MTMR7: variants seen among roughly 807,000 people sequenced by gnomAD.
MTMR7 encodes myotubularin related protein 7, also known as phosphatidylinositol-3-phosphate phosphatase MTMR7.
In MTMR7, 76 loss-of-function variants were observed where a neutral mutation model predicts 81.2. The ratio of observed to expected loss-of-function variants is 0.94; its 90% confidence interval spans 0.78 to 1.13. The LOEUF (loss-of-function observed/expected upper bound fraction) is 1.13. Ranked by LOEUF, MTMR7 falls within the 50% of genes most tolerant of loss-of-function variation. The probability of loss-of-function intolerance (pLI) is 0.00; values close to 1 mark genes in which losing one functional copy is unlikely to be tolerated. For synonymous variants in MTMR7, 372 were observed against 289.8 expected (o/e 1.28, Z -2.88); for missense variants, 1,044 against 820.0 (o/e 1.27, Z -3.34).
chr8:17,397,293 G>A (rs1419574389), intron 1 of MTMR7, among the ~76,000 whole-genome samples: 1 of 152,156 alleles, frequency 6.6e-6, no homozygotes, highest in Non-Finnish European at 1.5e-5. Context: ...TCCAGGCCAA[G>A]GCTCTTGACA....
At chr8:17,317,633 C>A (rs1818158130) in intron 7 of MTMR7, among the ~76,000 whole-genome samples, 2 of 152,144 alleles carry the variant, frequency 1.3e-5, no homozygotes, top group African/African-American at 2.4e-5. Flanking sequence ...CTAGGCAGTG[C>A]AGGGGAGGAA....
chr8:17,314,269 AATC>A (rs1423443244), intron 7 of MTMR7, among the ~76,000 whole-genome samples: 1 of 152,134 alleles, frequency 6.6e-6, no homozygotes, highest in African/African-American at 2.4e-5. Flanking sequence ...TCAATCAAGA[AATC>A]ATAGATTTCT....
At chr8:17,317,673 G>A (rs1004639726) in intron 7 of MTMR7, among the ~76,000 whole-genome samples, 5 of 152,162 alleles carry the variant, frequency 3.3e-5, no homozygotes, top group African/African-American at 7.2e-5. Context: ...ACTGCTTCTC[G>A]TGCAAACATT....
chr8:17,298,954 C>G lies in MTMR7; in HGVS notation c.*908G>C, dbSNP rs1816919227. Reference sequence around the variant, plus strand: ...TATTCCCTTCATTAAACAGACATGACAACCCAATTCTCTGGTTCTTGAAAC... The same window carrying G: ...TATTCCCTTCATTAAACAGACATGAGAACCCAATTCTCTGGTTCTTGAAAC... On this transcript the variant is annotated 3_prime_UTR_variant, in exon 14 of 14. Transcript: ENST00000180173. 1 of 152,192 alleles carries G rather than the reference C, an allele frequency of 6.6e-6. No homozygotes were observed. Among genetic ancestry groups the G allele is most frequent in the Admixed American group, 6.5e-5 (1 of 15,272 alleles). 9.4% of individuals were successfully genotyped at this position (152,192 alleles called of 1,614,324 possible). A position where few individuals can be genotyped will look rare whatever the true frequency, so the allele number is the denominator to read the frequency against.
At chr8:17,339,042 T>G (rs923287405) in intron 6 of MTMR7, 1 of 152,178 alleles carries the variant, frequency 6.6e-6, no homozygotes, top group Non-Finnish European at 1.5e-5. Flanking sequence ...TAATACTTGG[T>G]GACATGAAGT....
At chr8:17,307,396 G>C (rs1395741554) in intron 10 of MTMR7, among the ~76,000 whole-genome samples, 1 of 152,190 alleles carries the variant, frequency 6.6e-6, no homozygotes, top group Non-Finnish European at 1.5e-5. Flanking sequence ...ACAGGTGCTG[G>C]AGAGGATGTG....
At chr8:17,300,280 A>G (rs202019101) in intron 13 of MTMR7, 56 bp from the exon 14 acceptor site, 3 of 1,519,840 alleles carry the variant, frequency 2.0e-6, no homozygotes, top group Non-Finnish European at 1.8e-6. Flanking sequence ...ATCTTTTTCT[A>G]TATATGCATG....
chr8:17,401,397 G>A (rs2157640), intron 1 of MTMR7, among the ~76,000 whole-genome samples: 58,779 of 151,740 alleles, frequency 0.39, 13,771 homozygotes, highest in Admixed American at 0.57. Flanking sequence ...AAGCAGTGAG[G>A]TCCAAGAACA....
At chr8:17,382,273 C>G (rs1203763322) in intron 1 of MTMR7, among the ~76,000 whole-genome samples, 1 of 152,162 alleles carries the variant, frequency 6.6e-6, no homozygotes, top group Non-Finnish European at 1.5e-5. Flanking sequence ...ATCCCAAGGC[C>G]GAGGGCACCA....
intron 7 of MTMR7, among the ~76,000 whole-genome samples, chr8:17,322,859 T>A (rs951819943): frequency 6.6e-6 from 1 of 152,114 alleles, no homozygotes; most frequent in Non-Finnish European, 1.5e-5. Flanking sequence ...TGTGCCCATT[T>A]CTGTTACATC....
At chr8:17,325,240 G>C (rs2150518068) in intron 7 of MTMR7, among the ~76,000 whole-genome samples, 1 of 152,210 alleles carries the variant, frequency 6.6e-6, no homozygotes, top group East Asian at 1.9e-4. Context: ...TTGGCAGGGA[G>C]ACTAGAGCAG....
At chr8:17,398,331 A>C (rs1040094222) in intron 1 of MTMR7, among the ~76,000 whole-genome samples, 5 of 152,218 alleles carry the variant, frequency 3.3e-5, no homozygotes, top group Non-Finnish European at 4.4e-5. Flanking sequence ...ATTCTACCAG[A>C]TGAATTTAAC....
At chr8:17,323,213 CTGAGATTACAGGTA>C (rs1250454215) in intron 7 of MTMR7, among the ~76,000 whole-genome samples, 2 of 151,946 alleles carry the variant, frequency 1.3e-5, no homozygotes, top group Non-Finnish European at 2.9e-5. Flanking sequence ...TCCCACAGTG[CTGAGATTACAGGTA>C]TGAGCCACCA....
chr8:17,319,813 G>GT (rs1043404071), intron 7 of MTMR7, among the ~76,000 whole-genome samples: 5 of 151,958 alleles, frequency 3.3e-5, no homozygotes, highest in South Asian at 4.2e-4. Flanking sequence ...CCTCAGGTTG[G>GT]TTTTTTTTCA....
chr8:17,382,568 C>T (rs965496972), intron 1 of MTMR7, among the ~76,000 whole-genome samples: 2 of 152,264 alleles, frequency 1.3e-5, no homozygotes, highest in African/African-American at 2.4e-5. Context: ...CACATCCATC[C>T]GTCCATCCAT....
intron 6 of MTMR7, among the ~76,000 whole-genome samples, chr8:17,337,362 CAA>C (rs1554511150): frequency 0.14 from 12,081 of 89,338 alleles, 539 homozygotes; most frequent in Middle Eastern, 0.18. Flanking sequence ...AACTCCGTCC[CAA>C]AAAAAAAAAA....
chr8:17,378,527 A>C (rs141535143), intron 1 of MTMR7, among the ~76,000 whole-genome samples: 1 of 152,326 alleles, frequency 6.6e-6, no homozygotes, highest in African/African-American at 2.4e-5. Context: ...CAAAGTAATA[A>C]GGCCAGTTTT....
intron 7 of MTMR7, among the ~76,000 whole-genome samples, chr8:17,314,349 C>G (rs11988056): frequency 0.011 from 1,711 of 152,146 alleles, 30 homozygotes; most frequent in African/African-American, 0.038. Context: ...TTTTTCTACC[C>G]CCAACTCCAT....
Position 17,341,432 on chromosome 8 carries a change from C to G in MTMR7, c.663G>C (p.Gln221His), listed in dbSNP as rs1460774512. ...TGGCTTTCCTAATGGCCTGGAGCAT[C>G]TGCTCGTCCTCTAGGCACCGGGCAC... ...GFSARCLEDE[Q>H]MLQAIRKANP... The change falls in exon 6 of 14, where the codon CAG (glutamine) becomes CAC (histidine). Residue 221 changes from glutamine to histidine, a missense_variant. Transcript: ENST00000180173. The G allele has an allele frequency of 1.5e-5, 25 of 1,614,212 alleles. No individual in the cohort carries two copies. Among genetic ancestry groups the G allele is most frequent in the Non-Finnish European group, 2.1e-5 (25 of 1,180,038 alleles).
Sources: gnomAD v4.1 joint callset for allele counts (sites outside exome capture counted in the v4.1 genomes callset) on GRCh38, gnomAD v4.1.1 for gene constraint, MANE v1.5 for transcripts, NCBI Gene and HGNC (gene_info 2026-07-23, HGNC 2026-07-21) for gene names.